The following ROR2 variants were observed in gnomAD, a reference collection of about 807,000 sequenced individuals.
ROR2 encodes ROR family WNT receptor 2.
In ROR2, 33 loss-of-function variants were observed where a neutral mutation model predicts 74.9. The ratio of observed to expected loss-of-function variants is 0.44; its 90% confidence interval spans 0.33 to 0.59. The LOEUF (loss-of-function observed/expected upper bound fraction) is 0.59, where lower values mean the gene tolerates loss of function less well. Among genes scored for constraint, ROR2 ranks in the 20% least tolerant of loss-of-function variants. The probability of loss-of-function intolerance (pLI) is 0.02; values close to 1 mark genes in which losing one functional copy is unlikely to be tolerated. For synonymous variants in ROR2, 586 were observed against 558.7 expected (o/e 1.05, Z -0.69); for missense variants, 1,216 against 1,313.8 (o/e 0.93, Z 1.15).
chr9:91,855,708 A>G (rs921536777), intron 1 of ROR2, among the ~76,000 whole-genome samples: 1 of 152,074 alleles, frequency 6.6e-6, no homozygotes, highest in Non-Finnish European at 1.5e-5. Context: ...ACATGGTGGC[A>G]TGGATGAGGG....
chr9:91,723,945 T>G lies in ROR2; in HGVS notation c.2549A>C (p.Gln850Pro). The change falls in exon 9 of 9, where the codon CAG becomes CCG. Residue 850 changes from glutamine (Q) to proline (P), a missense_variant. Transcript: ENST00000375708. ...CTTGGGGACCATCTGAGGAGGCACC[T>G]GCTGCGGGGCCATCTGCATTGGGAT... ...VQIPMQMAPQ[Q>P]VPPQMVPKPS... 6.2e-7 allele frequency: 1 copy of G among 1,613,606 alleles called. No individual in the cohort carries two copies. The highest frequency in any genetic ancestry group is 8.5e-7 in the Non-Finnish European group (1 of 1,180,018).
intron 1 of ROR2, among the ~76,000 whole-genome samples, chr9:91,870,869 C>G (rs1247543315): frequency 1.3e-5 from 2 of 152,228 alleles, no homozygotes; most frequent in South Asian, 2.1e-4. Flanking sequence ...GTGACACTCA[C>G]AGAGTCAAGA....
In ROR2 at chr9:91,870,528, C is replaced by A. The variant is rs139764623; in HGVS notation, c.97+79339G>T. ...ATTCACCATTCACTTATTTTCAGGGCTCTATCTATTTACAAACACTGTTAT... is the reference window on the plus strand; with the variant it reads ...ATTCACCATTCACTTATTTTCAGGGATCTATCTATTTACAAACACTGTTAT... On this transcript the variant is annotated intron_variant, in intron 1 of 8. Transcript: ENST00000375708. 3.9e-3 allele frequency among the ~76,000 whole-genome samples: 598 copies of A among 152,310 alleles called. 3 individuals are homozygous for A. The highest frequency in any genetic ancestry group is 6.7e-3 in the Non-Finnish European group (458 of 68,030).
intron 1 of ROR2, among the ~76,000 whole-genome samples, chr9:91,926,274 T>C (rs1831393235): frequency 6.6e-6 from 1 of 151,282 alleles, no homozygotes; most frequent in Non-Finnish European, 1.5e-5. Flanking sequence ...TCCCAGCTAC[T>C]TGGGAGGCTG....
intron 2 of ROR2, among the ~76,000 whole-genome samples, chr9:91,774,963 T>A (rs1001006546): frequency 1.3e-5 from 2 of 152,294 alleles, no homozygotes; most frequent in South Asian, 4.2e-4. Context: ...AGGAATAGTG[T>A]CCTTATGAGA....
intron 1 of ROR2, among the ~76,000 whole-genome samples, chr9:91,837,576 G>A (rs1025990567): frequency 1.2e-4 from 19 of 152,188 alleles, no homozygotes; most frequent in African/African-American, 3.9e-4. Flanking sequence ...AAAGGTAAGC[G>A]ATCTTAAGGG....
intron 1 of ROR2, among the ~76,000 whole-genome samples, chr9:91,904,059 G>T (rs1046069508): frequency 6.6e-6 from 1 of 151,028 alleles, no homozygotes; most frequent in Non-Finnish European, 1.5e-5. Flanking sequence ...TTTGGGGGGG[G>T]GGACAGAGTC....
intron 2 of ROR2, among the ~76,000 whole-genome samples, chr9:91,767,091 T>C (rs1358099647): frequency 6.6e-6 from 1 of 152,016 alleles, no homozygotes; most frequent in East Asian, 1.9e-4. Context: ...TTTTTTTTTT[T>C]TTGAGGCGGA....
intron 1 of ROR2, among the ~76,000 whole-genome samples, chr9:91,845,509 A>C (rs1425807320): frequency 4.0e-5 from 6 of 151,858 alleles, no homozygotes; most frequent in Non-Finnish European, 8.8e-5. Context: ...GCCAACCCCC[A>C]CCCTCATGCA....
At chr9:91,836,448 G>A (rs897634364) in intron 1 of ROR2, among the ~76,000 whole-genome samples, 2 of 151,708 alleles carry the variant, frequency 1.3e-5, no homozygotes, top group African/African-American at 2.4e-5. Flanking sequence ...GCTGAGGCAG[G>A]AGAATCGCTT....
intron 1 of ROR2, among the ~76,000 whole-genome samples, chr9:91,805,749 C>T (rs909954854): frequency 8.5e-5 from 13 of 152,106 alleles, no homozygotes; most frequent in African/African-American, 3.1e-4. Context: ...CAACCCAACG[C>T]CGAGGGGTGA....
intron 1 of ROR2, among the ~76,000 whole-genome samples, chr9:91,808,382 C>T (rs1454494644): frequency 6.6e-6 from 1 of 152,220 alleles, no homozygotes; most frequent in Non-Finnish European, 1.5e-5. Flanking sequence ...CACCTGCAAT[C>T]CTAGCATTTT....
chr9:91,931,502 T>C (rs1421713102), intron 1 of ROR2, among the ~76,000 whole-genome samples: 2 of 152,070 alleles, frequency 1.3e-5, no homozygotes, highest in Non-Finnish European at 2.9e-5. Flanking sequence ...TTAGGGCAGA[T>C]AAAGAAGACA....
At chr9:91,792,106 T>C (rs1395887556) in intron 1 of ROR2, among the ~76,000 whole-genome samples, 2 of 152,192 alleles carry the variant, frequency 1.3e-5, no homozygotes, top group African/African-American at 2.4e-5. Context: ...GAGAAAAATT[T>C]ACAGCTCTAA....
chr9:91,830,886 C>G (rs1055958365), intron 1 of ROR2, among the ~76,000 whole-genome samples: 6 of 147,900 alleles, frequency 4.1e-5, no homozygotes, highest in Non-Finnish European at 8.9e-5. Flanking sequence ...AGGTAGACAT[C>G]AAACTGTTAC....
chr9:91,936,928 G>A (rs534010322), intron 1 of ROR2, among the ~76,000 whole-genome samples: 6,764 of 149,076 alleles, frequency 0.045, 209 homozygotes, highest in Middle Eastern at 0.062. Flanking sequence ...TACTTGGGAG[G>A]CTGAGGCAGG....
chr9:91,896,343 C>T (rs1441727527), intron 1 of ROR2, among the ~76,000 whole-genome samples: 1 of 152,198 alleles, frequency 6.6e-6, no homozygotes, highest in African/African-American at 2.4e-5. Flanking sequence ...CCCCACAATG[C>T]TGTCCTCATC....
intron 1 of ROR2, among the ~76,000 whole-genome samples, chr9:91,812,401 G>A (rs78335592): frequency 0.019 from 2,875 of 152,158 alleles, 88 homozygotes; most frequent in African/African-American, 0.066. Flanking sequence ...CGCGGGGGCC[G>A]GGCATGTGGG....
chr9:91,869,963 C>G (rs374404330), intron 1 of ROR2, among the ~76,000 whole-genome samples: 2 of 152,086 alleles, frequency 1.3e-5, no homozygotes, highest in African/African-American at 4.8e-5. Context: ...ACCTACAATC[C>G]GTGGGCCAAA....
Sources: allele counts gnomAD v4.1 joint callset (sites outside exome capture counted in the v4.1 genomes callset), GRCh38; gene constraint gnomAD v4.1.1; transcripts MANE v1.5; gene names NCBI Gene and HGNC (gene_info 2026-07-23, HGNC 2026-07-21).